Variants in KCNIP4 observed in about 807,000 individuals in gnomAD.
KCNIP4 encodes the protein Kv channel-interacting protein 4.
Under a neutral mutation model 34.0 loss-of-function variants are expected in KCNIP4, and 12 were observed. That is an observed-to-expected ratio of 0.35 (90% CI 0.23 to 0.57). KCNIP4 has a LOEUF of 0.57. Among genes scored for constraint, KCNIP4 ranks in the 20% least tolerant of loss-of-function variants. The pLI is 0.83. For missense variants in KCNIP4, 238 were observed against 311.7 expected, an observed-to-expected ratio of 0.76 and a Z score of 1.78; for synonymous variants, 124 against 102.2, an observed-to-expected ratio of 1.21 and a Z score of -1.29.
chr4:20,969,869 C>T (rs1734750752), intron 1 of KCNIP4, among the ~76,000 whole-genome samples: 1 of 150,234 alleles, frequency 6.7e-6, no homozygotes, highest in Admixed American at 6.6e-5. Flanking sequence ...TATAGTAATA[C>T]AATATTATTA....
At chr4:21,441,275 G>A (rs1727451685) in intron 1 of KCNIP4, among the ~76,000 whole-genome samples, 1 of 151,642 alleles carries the variant, frequency 6.6e-6, no homozygotes, top group African/African-American at 2.4e-5. Flanking sequence ...CCGAGTAGCT[G>A]GGACTACAGG....
chr4:21,291,578 G>A (rs1308266018), intron 1 of KCNIP4, among the ~76,000 whole-genome samples: 6 of 152,002 alleles, frequency 3.9e-5, no homozygotes, highest in Admixed American at 2.6e-4. Context: ...GGCCAGGTGC[G>A]GTGGCTCACG....
intron 1 of KCNIP4, among the ~76,000 whole-genome samples, chr4:21,606,470 G>A (rs1010504382): frequency 2.0e-5 from 3 of 152,176 alleles, no homozygotes; most frequent in South Asian, 2.1e-4. Flanking sequence ...TTTAGCTCTA[G>A]AGGTCAGAAG....
intron 1 of KCNIP4, among the ~76,000 whole-genome samples, chr4:21,716,690 T>C (rs1714414471): frequency 6.6e-6 from 1 of 152,144 alleles, no homozygotes. Flanking sequence ...TTAGATCACA[T>C]TTTCTGCTTT....
chr4:21,508,271 C>A (rs1734017094), intron 1 of KCNIP4, among the ~76,000 whole-genome samples: 1 of 152,202 alleles, frequency 6.6e-6, no homozygotes, highest in Non-Finnish European at 1.5e-5. Context: ...ATTTCTAACT[C>A]CATTCCTTTA....
At chr4:21,426,882 T>G (rs1428883914) in intron 1 of KCNIP4, among the ~76,000 whole-genome samples, 1 of 151,198 alleles carries the variant, frequency 6.6e-6, no homozygotes, top group Middle Eastern at 3.2e-3. Context: ...ATATTTTAAT[T>G]AAGCATGTCA....
At chr4:21,415,869 CA>C (rs1724915091) in intron 1 of KCNIP4, among the ~76,000 whole-genome samples, 1 of 152,086 alleles carries the variant, frequency 6.6e-6, no homozygotes, top group South Asian at 2.1e-4. Flanking sequence ...GAGGCTGGAG[CA>C]GAGTGAATGA....
intron 1 of KCNIP4, among the ~76,000 whole-genome samples, chr4:21,832,711 G>C (rs1413022979): frequency 6.9e-6 from 1 of 145,040 alleles, no homozygotes; most frequent in Non-Finnish European, 1.5e-5. Flanking sequence ...TCTAGCATTA[G>C]GTATATCTCC....
intron 1 of KCNIP4, among the ~76,000 whole-genome samples, chr4:21,910,588 G>A (rs1203988199): frequency 3.9e-5 from 6 of 152,070 alleles, no homozygotes. Flanking sequence ...CCATGATTAA[G>A]CATGACATCT....
intron 1 of KCNIP4, among the ~76,000 whole-genome samples, chr4:21,288,032 C>T (rs375765264): frequency 3.3e-5 from 5 of 152,218 alleles, no homozygotes; most frequent in Admixed American, 1.3e-4. Context: ...AAACTCTTTC[C>T]ACCTTAAAAA....
chr4:21,745,193 T>A (rs1363236909), intron 1 of KCNIP4, among the ~76,000 whole-genome samples: 1 of 152,102 alleles, frequency 6.6e-6, no homozygotes, highest in Non-Finnish European at 1.5e-5. Context: ...AAGGAAGACT[T>A]TAAGCATTTT....
chr4:21,294,979 A>G (rs989189037), intron 1 of KCNIP4, among the ~76,000 whole-genome samples: 22 of 152,160 alleles, frequency 1.4e-4, no homozygotes, highest in African/African-American at 4.8e-4. Context: ...CTGTCACAAT[A>G]TTCTCACTAT....
chr4:21,602,550 A>G (rs1307703711), intron 1 of KCNIP4, among the ~76,000 whole-genome samples: 1 of 152,316 alleles, frequency 6.6e-6, no homozygotes, highest in East Asian at 1.9e-4. Context: ...GACTTTTCAC[A>G]TGTATAGAAA....
At chr4:21,096,111 C>T (rs911055367) in intron 1 of KCNIP4, among the ~76,000 whole-genome samples, 8 of 152,082 alleles carry the variant, frequency 5.3e-5, no homozygotes, top group African/African-American at 1.9e-4. Flanking sequence ...CAAGGGAATG[C>T]TGCATTCCTT....
At chr4:20,854,398 C>T (rs1013964861) in intron 2 of KCNIP4, among the ~76,000 whole-genome samples, 4 of 152,090 alleles carry the variant, frequency 2.6e-5, no homozygotes, top group African/African-American at 9.7e-5. Flanking sequence ...GAATGGAAAA[C>T]CAAACCTCGT....
intron 1 of KCNIP4, among the ~76,000 whole-genome samples, chr4:21,598,671 A>G (rs1742846586): frequency 6.6e-6 from 1 of 152,048 alleles, no homozygotes. Flanking sequence ...TTATTTAGAC[A>G]GTGCTTCCCC....
chr4:20,801,409 T>C (rs969162524), intron 3 of KCNIP4, among the ~76,000 whole-genome samples: 5 of 152,120 alleles, frequency 3.3e-5, no homozygotes, highest in African/African-American at 1.2e-4. Flanking sequence ...AGTACTATAA[T>C]GGTGGTATGT....
At chr4:20,881,997 C>T (rs1724740422) in intron 2 of KCNIP4, among the ~76,000 whole-genome samples, 1 of 152,078 alleles carries the variant, frequency 6.6e-6, no homozygotes, top group African/African-American at 2.4e-5. Context: ...TCAAATAAGT[C>T]TCTTTACATA....
chr4:20,890,750 T>C (rs1334127214), intron 1 of KCNIP4, among the ~76,000 whole-genome samples: 2 of 152,176 alleles, frequency 1.3e-5, no homozygotes, highest in Non-Finnish European at 2.9e-5. Flanking sequence ...AGTGTGTAAA[T>C]ATATAGGCCA....
Sources: allele counts gnomAD v4.1 joint callset (sites outside exome capture counted in the v4.1 genomes callset), GRCh38; gene constraint gnomAD v4.1.1; transcripts MANE v1.5; gene names NCBI Gene and HGNC (gene_info 2026-07-23, HGNC 2026-07-21).